TFDP2: variants seen among roughly 807,000 people sequenced by gnomAD.
The protein encoded by TFDP2 is transcription factor Dp-2.
In TFDP2, 17 loss-of-function variants were observed where a neutral mutation model predicts 59.3. The ratio of observed to expected loss-of-function variants is 0.29; its 90% CI spans 0.20 to 0.43. TFDP2 has a LOEUF of 0.43. Ranked by LOEUF, TFDP2 falls within the 20% of genes least tolerant of loss-of-function variation. The pLI is 1.00. For synonymous variants in TFDP2, 180 were observed against 194.7 expected, an observed-to-expected ratio of 0.92 and a Z score of 0.63; for missense variants, 391 against 528.8, an observed-to-expected ratio of 0.74 and a Z score of 2.56.
chr3:142,027,542 C>CT (rs34463045), intron 3 of TFDP2, among the ~76,000 whole-genome samples: 10,562 of 152,078 alleles, frequency 0.069, 471 homozygotes, highest in Non-Finnish European at 0.11. Context: ...TTCCTTAAAA[C>CT]TTTTTTAAGT....
intron 3 of TFDP2, among the ~76,000 whole-genome samples, chr3:142,025,878 C>T (rs150421326): frequency 0.028 from 4,246 of 152,004 alleles, 180 homozygotes; most frequent in African/African-American, 0.097. Context: ...GAAGGAGAAT[C>T]GCTTGAACCC....
intron 6 of TFDP2, among the ~76,000 whole-genome samples, chr3:141,984,087 G>A (rs1018871656): frequency 2.0e-5 from 3 of 152,182 alleles, no homozygotes; most frequent in African/African-American, 7.2e-5. Context: ...TGGATAAACA[G>A]ATAAAATGTG....
intron 8 of TFDP2, among the ~76,000 whole-genome samples, chr3:141,971,373 C>CT (rs1350445108): frequency 1.0e-5 from 1 of 97,802 alleles, no homozygotes; most frequent in Non-Finnish European, 1.9e-5. Flanking sequence ...CTCGTCTCTA[C>CT]TAAAAAAAAA....
intron 4 of TFDP2, among the ~76,000 whole-genome samples, chr3:142,001,093 C>T (rs1407102536): frequency 2.6e-5 from 4 of 152,228 alleles, no homozygotes; most frequent in Admixed American, 2.0e-4. Flanking sequence ...CAAGCTTTGC[C>T]CTGGTGAGGG....
rs1576560485 is a variant in TFDP2, at chr3:141,980,909, G to C, written c.357-2227C>G. On this transcript the variant is annotated intron_variant, in intron 6 of 12. Coordinates refer to ENST00000489671, the MANE Select transcript of TFDP2 (RefSeq NM_001178139.2). ...TTGAGAACATTAAAAAGTTTATAAA[G>C]TAAAAAATTTATAGTAAGCTAAGGT... 2.0e-5 allele frequency among the ~76,000 whole-genome samples: 3 copies of C among 152,174 alleles called. No individual in the cohort carries two copies. The East Asian group carries it at 5.8e-4, about 29-fold the overall frequency.
intron 3 of TFDP2, among the ~76,000 whole-genome samples, chr3:142,062,956 T>C (rs1297489116): frequency 6.6e-6 from 1 of 152,198 alleles, no homozygotes; most frequent in Non-Finnish European, 1.5e-5. Context: ...TTAGAAGTCA[T>C]GATAGCAGTT....
chr3:142,064,204 G>A (rs562552042), intron 3 of TFDP2, among the ~76,000 whole-genome samples: 6 of 152,164 alleles, frequency 3.9e-5, no homozygotes, highest in South Asian at 4.2e-4. Flanking sequence ...TGTCCACCTC[G>A]GCCTCCCAAA....
chr3:141,983,856 C>T (rs1341082548), intron 6 of TFDP2, among the ~76,000 whole-genome samples: 1 of 152,020 alleles, frequency 6.6e-6, no homozygotes, highest in Non-Finnish European at 1.5e-5. Flanking sequence ...TTATGCACTG[C>T]TGGTGGAAAT....
intron 3 of TFDP2, among the ~76,000 whole-genome samples, chr3:142,035,067 T>A (rs1164747649): frequency 6.6e-6 from 1 of 152,150 alleles, no homozygotes; most frequent in East Asian, 1.9e-4. Context: ...TGTGGAGTGG[T>A]TCCTTTATTT....
intron 6 of TFDP2, among the ~76,000 whole-genome samples, chr3:141,981,133 A>T (rs192743782): frequency 3.6e-4 from 55 of 152,140 alleles, no homozygotes; most frequent in African/African-American, 1.3e-3. Flanking sequence ...GTGTATCATT[A>T]AAAAAAATCT....
At chr3:142,071,824 G>A (rs867388138) in intron 3 of TFDP2, among the ~76,000 whole-genome samples, 5 of 152,128 alleles carry the variant, frequency 3.3e-5, no homozygotes, top group Admixed American at 6.5e-5. Context: ...GATTTTGGGA[G>A]GGTAAAATAA....
chr3:141,968,575 ATATATAT>A lies in TFDP2; in HGVS notation c.732+1491_732+1497del, dbSNP rs1410614209. 1.1e-3 allele frequency among the ~76,000 whole-genome samples: 118 copies of A among 106,032 alleles called. 6 individuals are homozygous for A. Among genetic ancestry groups the A allele is most frequent in the African/African-American group, 4.6e-3 (112 of 24,182 alleles). 69.6% of individuals were successfully genotyped at this position (106,032 alleles called of 152,430 possible). ...TCTCATATATATAGATATATATAACATATATATCTCATATATAGATATATATAACATA... is the reference window on the plus strand; with the variant it reads ...TCTCATATATATAGATATATATAACACTCATATATAGATATATATAACATA... On this transcript the variant is annotated intron_variant, in intron 9 of 12. Transcript: ENST00000489671.
At chr3:142,071,662 G>A (rs1306729750) in intron 3 of TFDP2, among the ~76,000 whole-genome samples, 2 of 152,140 alleles carry the variant, frequency 1.3e-5, no homozygotes, top group Non-Finnish European at 2.9e-5. Flanking sequence ...CAGCAGTGAA[G>A]GCAGAGAAAA....
intron 4 of TFDP2, among the ~76,000 whole-genome samples, chr3:141,998,994 C>G (rs1339522994): frequency 6.6e-6 from 1 of 152,144 alleles, no homozygotes; most frequent in Non-Finnish European, 1.5e-5. Flanking sequence ...CTATAAGAAG[C>G]ATGCAGTTTT....
intron 6 of TFDP2, chr3:141,989,228 G>A (rs926775363): frequency 3.3e-5 from 5 of 152,174 alleles, no homozygotes; most frequent in Non-Finnish European, 5.9e-5. Flanking sequence ...AATATATAGA[G>A]TTTACATGAG....
In TFDP2 at chr3:142,024,658, T is replaced by TA. The variant is rs1945922582; in HGVS notation, c.83-19115dup. Among the ~76,000 whole-genome samples, 14 of 152,342 alleles carry TA rather than the reference T, an allele frequency of 9.2e-5. No homozygotes were observed. In the South Asian group the frequency reaches 2.9e-3, roughly 32 times the overall value. On this transcript the variant is annotated intron_variant, in intron 3 of 12. Coordinates refer to ENST00000489671, the MANE Select transcript of TFDP2 (RefSeq NM_001178139.2). The stretch of plus-strand genomic sequence containing the variant: ...TTCCTCTAAGACCTCAGTTTTGTGA[T>TA]AAAGAGTTCATACATAAAGCAAGAA...
chr3:141,970,270 A>T, intron 8 of TFDP2, 129 bp from the exon 9 acceptor site: 1 of 773,564 alleles, frequency 1.3e-6, no homozygotes, highest in Non-Finnish European at 2.1e-6. Flanking sequence ...AATATGAATA[A>T]AGACAAATCA....
chr3:142,042,216 CTCT>C (rs1278339564), intron 3 of TFDP2, among the ~76,000 whole-genome samples: 1 of 152,022 alleles, frequency 6.6e-6, no homozygotes, highest in Non-Finnish European at 1.5e-5. Flanking sequence ...ATGTTCACTG[CTCT>C]TCAACACTAT....
intron 3 of TFDP2, among the ~76,000 whole-genome samples, chr3:142,041,705 C>A (rs1560076658): frequency 1.3e-5 from 2 of 152,214 alleles, no homozygotes; most frequent in Non-Finnish European, 2.9e-5. Flanking sequence ...TTTTCTCTTT[C>A]ATGAATCATG....
Sources: allele counts gnomAD v4.1 joint callset (sites outside exome capture counted in the v4.1 genomes callset), GRCh38; gene constraint gnomAD v4.1.1; transcripts MANE v1.5; gene names NCBI Gene and HGNC (gene_info 2026-07-23, HGNC 2026-07-21).